The following FGGY variants were observed in gnomAD, a reference collection of about 807,000 sequenced individuals.
FGGY encodes FGGY carbohydrate kinase domain containing, also known as FGGY carbohydrate kinase domain-containing protein.
FGGY carries 72 observed loss-of-function variants against 71.3 expected under a neutral mutation model. That is an observed-to-expected ratio of 1.01 (90% confidence interval 0.84 to 1.23). The LOEUF (loss-of-function observed/expected upper bound fraction) is 1.23, where lower values mean the gene tolerates loss of function less well. Among genes scored for constraint, FGGY ranks in the 50% most tolerant of loss-of-function variants. The pLI is 0.00. For synonymous variants in FGGY, 251 were observed against 250.3 expected (o/e 1.00, Z -0.02); for missense variants, 668 against 682.3 (o/e 0.98, Z 0.23).
chr1:59,340,169 T>C (rs2050378530), intron 3 of FGGY, 100 bp downstream of exon 3: 2 of 737,668 alleles, frequency 2.7e-6, no homozygotes, highest in Admixed American at 5.7e-5. Flanking sequence ...TTGCTGCTGA[T>C]AGTAAAATTT....
At chr1:59,628,004 T>C (rs906000930) in intron 10 of FGGY, among the ~76,000 whole-genome samples, 2 of 152,174 alleles carry the variant, frequency 1.3e-5, no homozygotes, top group African/African-American at 4.8e-5. Flanking sequence ...TAATCAACAT[T>C]AGGTAAACAC....
intron 5 of FGGY, among the ~76,000 whole-genome samples, chr1:59,441,898 G>T (rs1467872685): frequency 2.0e-5 from 3 of 152,178 alleles, no homozygotes; most frequent in African/African-American, 7.2e-5. Flanking sequence ...GAATGCCTTG[G>T]TCCACTGCCT....
intron 3 of FGGY, among the ~76,000 whole-genome samples, chr1:59,345,564 C>T (rs1435354985): frequency 6.6e-6 from 1 of 152,138 alleles, no homozygotes; most frequent in Non-Finnish European, 1.5e-5. Flanking sequence ...TTGCCATATC[C>T]TTTATGTGCA....
At chr1:59,325,310 T>C (rs1356946088) in intron 2 of FGGY, among the ~76,000 whole-genome samples, 1 of 152,114 alleles carries the variant, frequency 6.6e-6, no homozygotes, top group Non-Finnish European at 1.5e-5. Context: ...TGAGCCGAGA[T>C]TGCGCCATTG....
intron 8 of FGGY, among the ~76,000 whole-genome samples, chr1:59,557,168 C>A (rs1206692452): frequency 6.6e-6 from 1 of 152,000 alleles, no homozygotes; most frequent in Non-Finnish European, 1.5e-5. Context: ...ACTCAAGGAC[C>A]CCCTTTGTTG....
At chr1:59,436,614 A>C (rs1158052677) in intron 5 of FGGY, among the ~76,000 whole-genome samples, 1 of 152,212 alleles carries the variant, frequency 6.6e-6, no homozygotes, top group African/African-American at 2.4e-5. Flanking sequence ...AATGAATGAG[A>C]GTAAGTGAAT....
intron 9 of FGGY, among the ~76,000 whole-genome samples, chr1:59,625,784 T>A (rs528550859): frequency 4.6e-5 from 7 of 152,336 alleles, no homozygotes; most frequent in African/African-American, 1.7e-4. Flanking sequence ...CTTTGTTTTA[T>A]GTATTTAAGA....
At chr1:59,308,425 A>G (rs1191568484) in intron 1 of FGGY, among the ~76,000 whole-genome samples, 3 of 152,240 alleles carry the variant, frequency 2.0e-5, no homozygotes, top group Non-Finnish European at 2.9e-5. Context: ...ACATTCAGAC[A>G]GCACAGAGAG....
chr1:59,664,609 TGTATTGCTTAGTCAAATTATATA>T (rs2097306994), intron 12 of FGGY, among the ~76,000 whole-genome samples: 1 of 152,224 alleles, frequency 6.6e-6, no homozygotes, highest in South Asian at 2.1e-4. Context: ...CCATACAGAC[TGTATTGCTTAGTCAAATTATATA>T]TCTCCTAAGT....
At chr1:59,415,848 A>G (rs1212893779) in intron 5 of FGGY, among the ~76,000 whole-genome samples, 1 of 152,250 alleles carries the variant, frequency 6.6e-6, no homozygotes, top group Non-Finnish European at 1.5e-5. Flanking sequence ...AGCTTCTACA[A>G]CAGAGAGCAA....
chr1:59,346,319 C>G lies in FGGY; in HGVS notation c.386C>G (p.Thr129Ser). The change falls in exon 4 of 16, where the codon ACC becomes AGC. Residue 129 changes from threonine to serine, a missense_variant. Around this residue, in one of 2 missense-constraint regions of FGGY, gnomAD observed 661 missense variants for 661.6 expected, o/e 1.00. Transcript: ENST00000303721. ...AGTCAAGTTAACAGGATCAATGAGA[C>G]CAAGCACAGTGTCCTCCAGTACGTC... is the stretch of plus-strand genomic sequence containing the variant. ...AVSQVNRINE[T>S]KHSVLQYVGG... The G allele has an allele frequency of 6.2e-7, 1 of 1,612,380 alleles. No homozygotes were observed. Among genetic ancestry groups the G allele is most frequent in the Non-Finnish European group, 8.5e-7 (1 of 1,179,740 alleles).
intron 7 of FGGY, among the ~76,000 whole-genome samples, chr1:59,531,070 A>G (rs2095129474): frequency 6.6e-6 from 1 of 152,236 alleles, no homozygotes; most frequent in Admixed American, 6.5e-5. Context: ...AAAGTGCTAC[A>G]TATATAGCTC....
At chr1:59,584,917 C>T (rs1289367512) in intron 8 of FGGY, among the ~76,000 whole-genome samples, 6 of 137,842 alleles carry the variant, frequency 4.4e-5, no homozygotes, top group Non-Finnish European at 7.6e-5. Flanking sequence ...CTCCCATTCA[C>T]AATTGCTTCA....
At position 59,449,134 on chromosome 1, in the gene FGGY, A is replaced by G. The variant is rs1217525693; in HGVS notation, c.555-7827A>G. 3.3e-5 allele frequency among the ~76,000 whole-genome samples: 5 copies of G among 152,232 alleles called. No individual in the cohort carries two copies. In the East Asian group the frequency reaches 5.8e-4, roughly 18 times the overall value. On this transcript the variant is annotated intron_variant, in intron 5 of 15. Transcript: ENST00000303721. ...AGTTCGAGTTGCCTTTCTAAAAATTATGATTTCTTCTTTATGAGTCTTTTT... is the reference window on the plus strand; with the variant it reads ...AGTTCGAGTTGCCTTTCTAAAAATTGTGATTTCTTCTTTATGAGTCTTTTT...
chr1:59,336,078 A>G (rs1465947344), intron 2 of FGGY, among the ~76,000 whole-genome samples: 2 of 152,086 alleles, frequency 1.3e-5, no homozygotes, highest in African/African-American at 2.4e-5. Context: ...AGGTTGCAAC[A>G]ATGTTCTCCT....
chr1:59,641,346 C>T, intron 11 of FGGY: 3 of 1,599,732 alleles, frequency 1.9e-6, no homozygotes, highest in Non-Finnish European at 2.6e-6. Context: ...TCTACTCTCC[C>T]CTCAGGTGAC....
chr1:59,299,726 C>T (rs2042469328), intron 1 of FGGY, among the ~76,000 whole-genome samples: 2 of 152,202 alleles, frequency 1.3e-5, no homozygotes, highest in Admixed American at 6.5e-5. Context: ...GCCTGACGCA[C>T]GTGGCCCCTG....
chr1:59,483,777 A>G (rs1287564651), intron 6 of FGGY, among the ~76,000 whole-genome samples: 1 of 152,168 alleles, frequency 6.6e-6, no homozygotes, highest in East Asian at 1.9e-4. Context: ...GTCTAAAGCA[A>G]TTTCCTCACT....
intron 2 of FGGY, among the ~76,000 whole-genome samples, chr1:59,332,219 A>G (rs993743527): frequency 6.6e-6 from 1 of 152,166 alleles, no homozygotes; most frequent in African/African-American, 2.4e-5. Flanking sequence ...ACGAGTTGAC[A>G]GTTGTTAGAC....
Sources: allele counts gnomAD v4.1 joint callset (sites outside exome capture counted in the v4.1 genomes callset), GRCh38; gene constraint gnomAD v4.1.1; regional missense constraint gnomAD v4.1.1; transcripts MANE v1.5; gene names NCBI Gene and HGNC (gene_info 2026-07-23, HGNC 2026-07-21).